SMURF2: variants seen among roughly 807,000 people sequenced by gnomAD.
SMURF2 encodes the protein E3 ubiquitin-protein ligase SMURF2.
A neutral mutation model predicts 109.6 loss-of-function variants in SMURF2; 48 were observed. That is an observed-to-expected ratio of 0.44 (90% CI 0.35 to 0.56). The LOEUF is 0.56. Among genes scored for constraint, SMURF2 ranks in the 20% least tolerant of loss-of-function variants. The pLI, the probability that SMURF2 is intolerant of heterozygous loss-of-function variation, is 0.01. For missense variants in SMURF2, 575 were observed against 909.0 expected (o/e 0.63, Z 4.72); for synonymous variants, 288 against 317.1 (o/e 0.91, Z 0.97).
At chr17:64,631,974 G>A (rs1048769424) in intron 1 of SMURF2, among the ~76,000 whole-genome samples, 2 of 140,908 alleles carry the variant, frequency 1.4e-5, no homozygotes, top group Admixed American at 1.4e-4. Context: ...GGGGGGGGGG[G>A]GGGGGGTGGA....
At chr17:64,631,281 G>GGAGAGAGAGAGAGA (rs1468147317) in intron 1 of SMURF2, among the ~76,000 whole-genome samples, 2 of 4,412 alleles carry the variant, frequency 4.5e-4, no homozygotes, top group Admixed American at 2.1e-3. Flanking sequence ...AGGGGGGGGG[G>GGAGAGAGAGAGAGA]GAGAGAGAGA....
At position 64,581,327 on chromosome 17, in the gene SMURF2, A is replaced by C. The variant is rs1406933359; in HGVS notation, c.570-336T>G. Among the ~76,000 whole-genome samples, 6 of 151,952 alleles carry C rather than the reference A, an allele frequency of 3.9e-5. No homozygotes were observed. The highest frequency in any genetic ancestry group is 8.8e-5 in the Non-Finnish European group (6 of 67,974). On this transcript the variant is annotated intron_variant, in intron 7 of 18. Transcript: ENST00000262435. The surrounding 1 kb of genome is among the most constrained non-coding windows in gnomAD (Gnocchi z 4.3). ...TCTCCCTCAGACCTGACTTCCCACC[A>C]TTCTCCCTCCCACTCTGCTTCAGCC...
At chr17:64,569,358 T>G (rs1555685380) in intron 10 of SMURF2, among the ~76,000 whole-genome samples, 1 of 151,210 alleles carries the variant, frequency 6.6e-6, no homozygotes, top group Non-Finnish European at 1.5e-5. Context: ...GACTTTACAG[T>G]AAAAGACAAA....
intron 18 of SMURF2, 121 bp downstream of exon 18, chr17:64,546,142 C>T: frequency 9.6e-7 from 1 of 1,040,918 alleles, no homozygotes; most frequent in Non-Finnish European, 1.4e-6. Flanking sequence ...ACTTAAGTTG[C>T]TTATCATTCC....
rs764601265 is a variant in SMURF2 at position 64,580,922 on chromosome 17, A to G, written c.639T>C (p.Ser213=). Residue 213 remains serine (S), a synonymous_variant, in exon 8 of 19, where the codon AGT becomes AGC. Coordinates refer to ENST00000262435, the MANE Select transcript of SMURF2 (RefSeq NM_022739.4). ...GTCCACATGTTGCACCATTTGTTCC[A>G]CTAATTGGAGTGTTCTCATCAACAA... The part of the protein sequence containing the change: ...SCFVDENTPI[S]GTNGATCGQS... 5.6e-6 allele frequency: 9 copies of G among 1,614,140 alleles called. No homozygotes were observed. Among genetic ancestry groups the G allele is most frequent in the African/African-American group, 1.3e-5 (1 of 75,020 alleles).
In SMURF2 at chr17:64,662,153, C is replaced by A; in HGVS notation, c.-273G>T. On this transcript the variant is annotated 5_prime_UTR_variant, in exon 1 of 19. Transcript: ENST00000262435. ...CCCGCGCCGCCTCCGCCCGCGCCCCCGCCGCCTCCTCGCGGCCGCCGAGGC... is the reference window on the plus strand; with the variant it reads ...CCCGCGCCGCCTCCGCCCGCGCCCCAGCCGCCTCCTCGCGGCCGCCGAGGC... The A allele has an allele frequency of 9.7e-7, 1 of 1,034,718 alleles. No homozygotes were observed. The allele number at this position is 1,034,718 out of a possible 1,614,324, so 64.1% of individuals were successfully genotyped here.
intron 11 of SMURF2, among the ~76,000 whole-genome samples, chr17:64,562,295 A>AC (rs1474674276): frequency 6.8e-6 from 1 of 147,694 alleles, no homozygotes; most frequent in African/African-American, 2.5e-5. Context: ...CAAAAAAAAA[A>AC]AAAAAAAAAA....
Position 64,646,442 on chromosome 17 carries a change from G to A in SMURF2, c.52+15387C>T, listed in dbSNP as rs534104245. ...TCTATCGCCCAGGCTGGAGTGCAGT[G>A]GCACCATCTCGGCTCACTGCAACCT... On this transcript the variant is annotated intron_variant, in intron 1 of 18. Coordinates refer to ENST00000262435, the MANE Select transcript of SMURF2 (RefSeq NM_022739.4). Among the ~76,000 whole-genome samples, 5 of 148,758 alleles carry A rather than the reference G, an allele frequency of 3.4e-5. No individual in the cohort carries two copies. The South Asian group carries it at 1.1e-3, about 31-fold the overall frequency.
intron 11 of SMURF2, among the ~76,000 whole-genome samples, chr17:64,562,509 A>C (rs1436821810): frequency 6.6e-6 from 1 of 150,696 alleles, no homozygotes. Context: ...CCTCCCGAGT[A>C]GCTGGGATTA....
chr17:64,623,767 A>G (rs1216600618), intron 1 of SMURF2, among the ~76,000 whole-genome samples: 1 of 152,252 alleles, frequency 6.6e-6, no homozygotes, highest in Non-Finnish European at 1.5e-5. Context: ...TTAGCAGCAG[A>G]AGAAAAATTA....
chr17:64,654,693 G>A (rs1302301910), intron 1 of SMURF2, among the ~76,000 whole-genome samples: 1 of 152,166 alleles, frequency 6.6e-6, no homozygotes, highest in African/African-American at 2.4e-5. Flanking sequence ...GCCGGGCGCG[G>A]TGGCACATGC....
At chr17:64,619,244 C>T (rs1348822758) in intron 1 of SMURF2, among the ~76,000 whole-genome samples, 3 of 151,758 alleles carry the variant, frequency 2.0e-5, no homozygotes, top group African/African-American at 4.8e-5. Context: ...TTTGGGAGGC[C>T]GAGGCGGGCA....
chr17:64,566,465 C>T (rs1404814354), intron 10 of SMURF2, among the ~76,000 whole-genome samples: 1 of 150,184 alleles, frequency 6.7e-6, no homozygotes, highest in African/African-American at 2.5e-5. Context: ...GGGACTTTAC[C>T]GAACTAGTAG....
At chr17:64,597,916 G>C (rs1969841525) in intron 3 of SMURF2, among the ~76,000 whole-genome samples, 1 of 152,160 alleles carries the variant, frequency 6.6e-6, no homozygotes, top group African/African-American at 2.4e-5. Flanking sequence ...TCAGGAATGA[G>C]AATGGAGCAG....
intron 13 of SMURF2, among the ~76,000 whole-genome samples, chr17:64,557,071 C>T (rs548856626): frequency 6.6e-6 from 1 of 152,178 alleles, no homozygotes; most frequent in Non-Finnish European, 1.5e-5. Flanking sequence ...TTAGTAATAA[C>T]TGCTAACTTC....
intron 9 of SMURF2, among the ~76,000 whole-genome samples, chr17:64,576,876 T>C (rs1969500819): frequency 8.6e-6 from 1 of 115,896 alleles, no homozygotes; most frequent in African/African-American, 4.0e-5. Flanking sequence ...TTCTATCCTT[T>C]TTTTTTTTTT....
intron 1 of SMURF2, among the ~76,000 whole-genome samples, chr17:64,626,258 C>CAAAA (rs782086305): frequency 5.1e-5 from 3 of 58,448 alleles, no homozygotes; most frequent in Admixed American, 1.7e-4. Context: ...GACACGGTCT[C>CAAAA]AAAAAAAAAA....
chr17:64,560,332 T>C (rs1197322771), intron 12 of SMURF2, among the ~76,000 whole-genome samples: 2 of 152,178 alleles, frequency 1.3e-5, no homozygotes, highest in Non-Finnish European at 2.9e-5. Context: ...TTCACTCTAG[T>C]TATGAGTAAG....
intron 1 of SMURF2, among the ~76,000 whole-genome samples, chr17:64,616,578 C>T (rs539912681): frequency 7.9e-5 from 12 of 151,006 alleles, no homozygotes; most frequent in African/African-American, 2.4e-4. Context: ...CCACTTGAAC[C>T]CAGGAGGCGG....
Sources: allele counts gnomAD v4.1 joint callset (sites outside exome capture counted in the v4.1 genomes callset), GRCh38; gene constraint gnomAD v4.1.1; non-coding constraint Gnocchi (gnomAD v3.1); transcripts MANE v1.5; gene names NCBI Gene and HGNC (gene_info 2026-07-23, HGNC 2026-07-21).